Variants in FBXL7 observed in about 807,000 individuals in gnomAD.
FBXL7 encodes the protein F-box and leucine rich repeat protein 7, also known as F-box/LRR-repeat protein 7.
A neutral mutation model predicts 38.3 loss-of-function variants in FBXL7; 12 were observed. That is an observed-to-expected ratio of 0.31 (90% CI 0.20 to 0.51). The LOEUF is 0.51. FBXL7 is among the 20% of genes least tolerant of loss of function. The pLI, the probability that FBXL7 is intolerant of heterozygous loss-of-function variation, is 0.98. For missense variants in FBXL7, 567 were observed against 676.4 expected, an observed-to-expected ratio of 0.84 and a Z score of 1.79; for synonymous variants, 297 against 300.9, an observed-to-expected ratio of 0.99 and a Z score of 0.13.
At chr5:15,722,783 C>T (rs544031010) in intron 2 of FBXL7, among the ~76,000 whole-genome samples, 33 of 152,016 alleles carry the variant, frequency 2.2e-4, no homozygotes, top group African/African-American at 7.2e-4. Flanking sequence ...ATTAGCCCAG[C>T]GTGGTGGTGC....
chr5:15,651,310 A>G (rs992391857), intron 2 of FBXL7, among the ~76,000 whole-genome samples: 3 of 151,926 alleles, frequency 2.0e-5, no homozygotes, highest in African/African-American at 7.2e-5. Flanking sequence ...GTTAGCCAGG[A>G]TAGTCTCCAT....
intron 2 of FBXL7, among the ~76,000 whole-genome samples, chr5:15,903,997 A>G (rs750831183): frequency 1.3e-5 from 2 of 152,300 alleles, no homozygotes; most frequent in Non-Finnish European, 2.9e-5. Context: ...TCTAAGTGTA[A>G]GGTTGACACC....
At chr5:15,858,221 T>C (rs1739329106) in intron 2 of FBXL7, among the ~76,000 whole-genome samples, 1 of 149,360 alleles carries the variant, frequency 6.7e-6, no homozygotes, top group African/African-American at 2.4e-5. Context: ...ACATAATATA[T>C]ATAACATATG....
intron 2 of FBXL7, among the ~76,000 whole-genome samples, chr5:15,845,938 C>T (rs550431270): frequency 6.6e-6 from 1 of 152,296 alleles, no homozygotes; most frequent in South Asian, 2.1e-4. Flanking sequence ...CACCACTGCA[C>T]TCCAGCCTGG....
intron 2 of FBXL7, among the ~76,000 whole-genome samples, chr5:15,801,708 G>T (rs1462556739): frequency 6.6e-6 from 1 of 151,638 alleles, no homozygotes; most frequent in Non-Finnish European, 1.5e-5. Context: ...GCACATCAAC[G>T]TGGGACAGGT....
rs140307162 is a variant in FBXL7 at position 15,502,965 on chromosome 5, A to C, written c.37+2252A>C. On this transcript the variant is annotated intron_variant, in intron 1 of 3. Coordinates refer to ENST00000504595, the MANE Select transcript of FBXL7 (RefSeq NM_012304.5). ...TGGTATATCTCAAACATAAGGAGGA[A>C]ATTATCCATGAGTGCATAACAATAA... Among the ~76,000 whole-genome samples, 74 of 152,316 alleles carry C rather than the reference A, an allele frequency of 4.9e-4. No individual in the cohort carries two copies. The East Asian group carries it at 0.012, about 25-fold the overall frequency.
At chr5:15,730,333 G>A (rs1735548827) in intron 2 of FBXL7, among the ~76,000 whole-genome samples, 1 of 152,028 alleles carries the variant, frequency 6.6e-6, no homozygotes, top group Non-Finnish European at 1.5e-5. Flanking sequence ...AAGAAAATGT[G>A]CCGCCCACGT....
chr5:15,687,460 C>T (rs1743047995), intron 2 of FBXL7, among the ~76,000 whole-genome samples: 1 of 152,240 alleles, frequency 6.6e-6, no homozygotes. Context: ...CCCACATGCA[C>T]TCACTGTTCC....
At chr5:15,622,950 C>A (rs1294149283) in intron 2 of FBXL7, among the ~76,000 whole-genome samples, 1 of 152,150 alleles carries the variant, frequency 6.6e-6, no homozygotes, top group Non-Finnish European at 1.5e-5. Flanking sequence ...AGTGATCCCC[C>A]CACTTTGGCT....
intron 2 of FBXL7, among the ~76,000 whole-genome samples, chr5:15,806,499 T>A (rs937035410): frequency 6.6e-6 from 1 of 151,844 alleles, no homozygotes; most frequent in African/African-American, 2.4e-5. Flanking sequence ...GAGTCAGAAG[T>A]GTATGGGAAG....
chr5:15,639,247 T>A (rs1359513366), intron 2 of FBXL7, among the ~76,000 whole-genome samples: 5 of 152,208 alleles, frequency 3.3e-5, no homozygotes, highest in Non-Finnish European at 7.3e-5. Context: ...GGGCTTAAAA[T>A]CAGGCTTCTT....
intron 2 of FBXL7, among the ~76,000 whole-genome samples, chr5:15,718,233 A>T (rs370906577): frequency 3.3e-5 from 5 of 152,252 alleles, no homozygotes; most frequent in African/African-American, 1.2e-4. Flanking sequence ...CAATTGGTAA[A>T]TCTTGATATA....
At chr5:15,578,342 A>G (rs575581349) in intron 1 of FBXL7, among the ~76,000 whole-genome samples, 18 of 152,310 alleles carry the variant, frequency 1.2e-4, no homozygotes, top group African/African-American at 4.3e-4. Context: ...TTCGGCAACA[A>G]TTAGGATGTC....
At chr5:15,510,042 C>G (rs1187167847) in intron 1 of FBXL7, among the ~76,000 whole-genome samples, 1 of 152,222 alleles carries the variant, frequency 6.6e-6, no homozygotes, top group African/African-American at 2.4e-5. Flanking sequence ...TAGACTGTTT[C>G]TGGAACTGCA....
At chr5:15,771,090 T>G (rs1736717850) in intron 2 of FBXL7, among the ~76,000 whole-genome samples, 1 of 152,224 alleles carries the variant, frequency 6.6e-6, no homozygotes. Context: ...CAGTTAAGCC[T>G]TCTCTGCGAC....
At chr5:15,798,662 T>C (rs949810359) in intron 2 of FBXL7, among the ~76,000 whole-genome samples, 4 of 152,222 alleles carry the variant, frequency 2.6e-5, no homozygotes, top group Non-Finnish European at 2.9e-5. Context: ...TTATGATCTA[T>C]ATGAATATGT....
chr5:15,707,104 G>T (rs1475965819), intron 2 of FBXL7, among the ~76,000 whole-genome samples: 1 of 149,882 alleles, frequency 6.7e-6, no homozygotes, highest in Non-Finnish European at 1.5e-5. Context: ...TTGGGACAAG[G>T]ATATCATCTA....
At chr5:15,620,684 A>C (rs1395905700) in intron 2 of FBXL7, among the ~76,000 whole-genome samples, 1 of 152,160 alleles carries the variant, frequency 6.6e-6, no homozygotes, top group Non-Finnish European at 1.5e-5. Context: ...CAGATGCTCC[A>C]GCTCTGGGGC....
At chr5:15,721,927 C>A (rs943665614) in intron 2 of FBXL7, among the ~76,000 whole-genome samples, 6 of 152,104 alleles carry the variant, frequency 3.9e-5, no homozygotes, top group Non-Finnish European at 7.4e-5. Context: ...CTCTGCCTCC[C>A]AGGTTCAAGC....
Sources: gnomAD v4.1 joint callset for allele counts (sites outside exome capture counted in the v4.1 genomes callset) on GRCh38, gnomAD v4.1.1 for gene constraint, MANE v1.5 for transcripts, NCBI Gene and HGNC (gene_info 2026-07-23, HGNC 2026-07-21) for gene names.